The following MLXIPL variants were observed in gnomAD, a reference collection of about 807,000 sequenced individuals.
The protein encoded by MLXIPL is carbohydrate-responsive element-binding protein.
MLXIPL carries 49 observed loss-of-function variants against 81.5 expected under a neutral mutation model. That is an observed-to-expected ratio of 0.60 (90% CI 0.48 to 0.76). The LOEUF (loss-of-function observed/expected upper bound fraction) is 0.76, where lower values mean the gene tolerates loss of function less well. Ranked by LOEUF, MLXIPL falls within the 30% of genes least tolerant of loss-of-function variation. The probability of loss-of-function intolerance (pLI) is 0.00; values close to 1 mark genes in which losing one functional copy is unlikely to be tolerated. For synonymous variants in MLXIPL, 466 were observed against 485.5 expected, an observed-to-expected ratio of 0.96 and a Z score of 0.53; for missense variants, 1,053 against 1,167.0, an observed-to-expected ratio of 0.90 and a Z score of 1.42.
At chr7:73,643,791 AAG>A in the MLXIPL span, among the ~76,000 whole-genome samples, 1 of 152,158 alleles carries the variant, frequency 6.6e-6, no homozygotes, top group East Asian at 1.9e-4. Context: ...TTTTGGAGGC[AAG>A]GTGTTGCTCT....
chr7:73,614,689 T>TGA, intron 2 of MLXIPL, among the ~76,000 whole-genome samples: 1 of 152,286 alleles, frequency 6.6e-6, no homozygotes, highest in East Asian at 1.9e-4. Flanking sequence ...AATGAGAATG[T>TGA]GACCTCCTTA....
intron 4 of MLXIPL, 129 bp from the exon 5 acceptor site, chr7:73,607,147 G>A: frequency 7.4e-7 from 1 of 1,347,864 alleles, no homozygotes; most frequent in Non-Finnish European, 1.0e-6. Flanking sequence ...CGACCCCTAG[G>A]TAAGGAGGCC....
At chr7:73,630,631 C>CA in the MLXIPL span, among the ~76,000 whole-genome samples, 1 of 152,148 alleles carries the variant, frequency 6.6e-6, no homozygotes, top group African/African-American at 2.4e-5. Context: ...GATAAGAAAA[C>CA]AACCTTTGCT....
At chr7:73,638,718 G>T in the MLXIPL span, among the ~76,000 whole-genome samples, 4 of 152,114 alleles carry the variant, frequency 2.6e-5, no homozygotes, top group Non-Finnish European at 5.9e-5. Flanking sequence ...TGCTTCCAGG[G>T]TTCAAGCGAT....
In MLXIPL at chr7:73,594,521, C is replaced by T. The variant is rs1794113287; in HGVS notation, c.2311-118G>A. The T allele has an allele frequency of 1.1e-5, 14 of 1,278,400 alleles. No homozygotes were observed. The South Asian group carries it at 1.3e-4, about 12-fold the overall frequency. The allele number at this position is 1,278,400 out of a possible 1,614,324, so 79.2% of individuals were successfully genotyped here. A position where few individuals can be genotyped will look rare whatever the true frequency, so the allele number is the denominator to read the frequency against. On this transcript the variant is annotated intron_variant, in intron 15 of 16. Coordinates refer to ENST00000313375, the MANE Select transcript of MLXIPL (RefSeq NM_032951.3). ...GCCTGGACACTGTCTAACGTTGAACCCCAATGACTCATGTTGCAGCCCCTA... is the reference window on the plus strand; with the variant it reads ...GCCTGGACACTGTCTAACGTTGAACTCCAATGACTCATGTTGCAGCCCCTA...
chr7:73,594,671 C>T (rs1794126961), intron 15 of MLXIPL, among the ~76,000 whole-genome samples: 1 of 151,978 alleles, frequency 6.6e-6, no homozygotes. Context: ...GCCTCAGCCT[C>T]CTGAGTAGCT....
intron 7 of MLXIPL, among the ~76,000 whole-genome samples, chr7:73,604,197 C>T (rs1363738923): frequency 9.5e-6 from 1 of 105,704 alleles, no homozygotes; most frequent in Non-Finnish European, 1.7e-5. Flanking sequence ...ACCTGGGTGA[C>T]AGAGTGAGAC....
intron 1 of MLXIPL, among the ~76,000 whole-genome samples, chr7:73,619,813 C>T (rs887305979): frequency 1.3e-5 from 2 of 150,966 alleles, no homozygotes; most frequent in Non-Finnish European, 3.0e-5. Flanking sequence ...GCCTGTGGTC[C>T]CAGCTACTCG....
chr7:73,635,726 C>G, the MLXIPL span, among the ~76,000 whole-genome samples: 62 of 152,260 alleles, frequency 4.1e-4, no homozygotes, highest in African/African-American at 1.5e-3. Context: ...ATCCCCCTCT[C>G]TATCTATCCA....
At chr7:73,637,059 C>CAAAAAAAAAAAAAAA in the MLXIPL span, among the ~76,000 whole-genome samples, 1 of 119,632 alleles carries the variant, frequency 8.4e-6, no homozygotes, top group Non-Finnish European at 1.8e-5. Flanking sequence ...GATTCCATCT[C>CAAAAAAAAAAAAAAA]AAAAAAAAAA....
rs1035747887 is a variant in MLXIPL at position 73,593,802 on chromosome 7, G to A, written c.*63C>T. Reference sequence around the variant, plus strand: ...AGGGAGTGCCCAGAGATGATCCCTGGAGCCCGTGCCCAGGGAAAGCAGCCC... The same window carrying A: ...AGGGAGTGCCCAGAGATGATCCCTGAAGCCCGTGCCCAGGGAAAGCAGCCC... On this transcript the variant is annotated 3_prime_UTR_variant, in exon 17 of 17. Coordinates refer to ENST00000313375, the MANE Select transcript of MLXIPL (RefSeq NM_032951.3). The A allele has an allele frequency of 2.2e-6, 3 of 1,385,408 alleles. No individual in the cohort carries two copies. In the African/African-American group the frequency reaches 4.3e-5, roughly 20 times the overall value. 85.8% of individuals were successfully genotyped at this position (1,385,408 alleles called of 1,614,324 possible).
chr7:73,647,470 C>A, the MLXIPL span, among the ~76,000 whole-genome samples: 1 of 152,146 alleles, frequency 6.6e-6, no homozygotes, highest in African/African-American at 2.4e-5. Context: ...GAAGCCCAGC[C>A]CAGTCCAGCC....
At chr7:73,627,668 A>C (rs1297715901), upstream of MLXIPL, among the ~76,000 whole-genome samples, 15 of 152,022 alleles carry the variant, frequency 9.9e-5, no homozygotes, top group African/African-American at 3.6e-4. Context: ...TTGAGGCAAG[A>C]CTGTGTCCTA....
chr7:73,636,855 T>C, the MLXIPL span, among the ~76,000 whole-genome samples: 2 of 151,542 alleles, frequency 1.3e-5, no homozygotes, highest in Non-Finnish European at 2.9e-5. Context: ...AGGTCAGGAG[T>C]TCGAGCCCAG....
rs1554597897 is a variant in MLXIPL at position 73,605,951 on chromosome 7, G to A, written c.779C>T (p.Thr260Ile). Residue 260 changes from threonine (T) to isoleucine (I), a missense_variant, in exon 6 of 17, where the codon ACT becomes ATT. By Grantham distance (89) the Thr-to-Ile change is moderately conservative. Coordinates refer to ENST00000313375, the MANE Select transcript of MLXIPL (RefSeq NM_032951.3). ...CTGCAGGGGCGAAGGGCCGGACTGA[G>A]TCATGGTGAAGAGAGTGTCTGAGAT... The part of the protein sequence containing the change: ...SDISDTLFTM[T>I]QSGPSPLQLP... 1 of 1,596,946 alleles carries A rather than the reference G, an allele frequency of 6.3e-7. No homozygotes were observed. Among genetic ancestry groups the A allele is most frequent in the Non-Finnish European group, 8.5e-7 (1 of 1,171,654 alleles).
At chr7:73,629,974 TTTTATTTA>T in the MLXIPL span, among the ~76,000 whole-genome samples, 1,015 of 143,580 alleles carry the variant, frequency 7.1e-3, 8 homozygotes, top group African/African-American at 0.021. Context: ...TTTTTATTAT[TTTTATTTA>T]TTTATTTATT....
chr7:73,641,718 C>T, the MLXIPL span, among the ~76,000 whole-genome samples: 99 of 152,234 alleles, frequency 6.5e-4, 1 homozygote, highest in East Asian at 0.016. Flanking sequence ...AACCTGCAAC[C>T]TCCACCTCCA....
Position 73,594,226 on chromosome 7 carries a change from A to AC in MLXIPL, c.2440+47dup, listed in dbSNP as rs561854313. On this transcript the variant is annotated intron_variant, in intron 16 of 16. Coordinates refer to ENST00000313375, the MANE Select transcript of MLXIPL (RefSeq NM_032951.3). ...CTAAGCAGGGTGGAATGCTCCCTCC[A>AC]CCCCCGAGGCTGGGTCCCTCTAGCA... 63 of 1,607,578 alleles carry AC rather than the reference A, an allele frequency of 3.9e-5. 1 individual carries two copies. The East Asian group carries it at 6.0e-4, about 15-fold the overall frequency.
the MLXIPL span, among the ~76,000 whole-genome samples, chr7:73,634,675 G>A: frequency 5.9e-4 from 89 of 151,876 alleles, no homozygotes; most frequent in Non-Finnish European, 1.0e-3. Flanking sequence ...GATTACAAGC[G>A]TGAGCCACTG....
Sources: gnomAD v4.1 joint callset for allele counts (sites outside exome capture counted in the v4.1 genomes callset) on GRCh38, gnomAD v4.1.1 for gene constraint, MANE v1.5 for transcripts, NCBI Gene and HGNC (gene_info 2026-07-23, HGNC 2026-07-21) for gene names.